Variants in EDN1 observed in about 807,000 individuals in gnomAD.
EDN1 encodes the protein endothelin-1.
A neutral mutation model predicts 21.7 loss-of-function variants in EDN1; 11 were observed. The observed-to-expected ratio is 0.51, with a 90% CI of 0.32 to 0.84. The LOEUF is 0.84. Among genes scored for constraint, EDN1 ranks in the 40% least tolerant of loss-of-function variants. The pLI is 0.03. For synonymous variants in EDN1, 85 were observed against 90.6 expected (o/e 0.94, Z 0.35); for missense variants, 244 against 262.3 (o/e 0.93, Z 0.48).
At chr6:12,291,213 C>T (rs945086426) in intron 1 of EDN1, among the ~76,000 whole-genome samples, 1 of 46,884 alleles carries the variant, frequency 2.1e-5, no homozygotes, top group African/African-American at 7.1e-5. Flanking sequence ...GACTAACTAC[C>T]GCCTCCCCCC....
At chr6:12,291,906 C>G (rs767029301) in intron 1 of EDN1, among the ~76,000 whole-genome samples, 8 of 152,196 alleles carry the variant, frequency 5.3e-5, no homozygotes, top group Non-Finnish European at 1.2e-4. Context: ...GGGAAGTGGC[C>G]CCAAAGCTAG....
rs1161753042 is a variant in EDN1 at position 12,290,511 on chromosome 6, C to T, written c.-119C>T. 4 of 837,526 alleles carry T rather than the reference C, an allele frequency of 4.8e-6. No homozygotes were observed. Among genetic ancestry groups the T allele is most frequent in the Non-Finnish European group, 8.1e-6 (4 of 496,782 alleles). The allele number at this position is 837,526 out of a possible 1,614,324, so 51.9% of individuals were successfully genotyped here. On this transcript the variant is annotated 5_prime_UTR_variant, in exon 1 of 5. Coordinates refer to ENST00000379375, the MANE Select transcript of EDN1 (RefSeq NM_001955.5). ...TCTCCCCGTTAAAAGGGCACTTGGG[C>T]TGAAGGATCGCTTTGAGATCTGAGG...
the EDN1 span, among the ~76,000 whole-genome samples, chr6:12,245,291 G>C: frequency 6.6e-6 from 1 of 152,154 alleles, no homozygotes; most frequent in Admixed American, 6.5e-5. Context: ...AAAATGACTA[G>C]ATTCACCCAC....
In EDN1 at chr6:12,295,964, C is replaced by T. The variant is rs140345259; in HGVS notation, c.536C>T (p.Ser179Leu). 5.1e-5 allele frequency: 82 copies of T among 1,613,668 alleles called. No homozygotes were observed. The Middle Eastern group carries it at 6.6e-4, about 13-fold the overall frequency. Residue 179 changes from serine to leucine, a missense_variant and splice_region_variant, in exon 5 of 5, where the codon TCG becomes TTG. By Grantham distance (145) the Ser-to-Leu change is moderately radical (BLOSUM62 -2). Transcript: ENST00000379375. ...TTTCTCTTATCTTGCTTTATTAGGT[C>T]GGAGACCATGAGAAACAGCGTCAAA... ...SSEEHLRQTRSETMRNSVKSS... is the reference protein window; with the variant it reads ...SSEEHLRQTRLETMRNSVKSS...
At chr6:12,272,122 G>A in the EDN1 span, among the ~76,000 whole-genome samples, 1 of 152,150 alleles carries the variant, frequency 6.6e-6, no homozygotes, top group African/African-American at 2.4e-5. Context: ...AGTTGAGATG[G>A]TGTAAGGCTA....
At chr6:12,287,700 TCTCTCTCTCTCTCACACACACACA>T (rs1332422861), upstream of EDN1, among the ~76,000 whole-genome samples, 1 of 75,446 alleles carries the variant, frequency 1.3e-5, no homozygotes, top group Non-Finnish European at 2.9e-5. Flanking sequence ...TCTCTCTCTC[TCTCTCTCTCTCTCACACACACACA>T]CACACACACA....
the EDN1 span, among the ~76,000 whole-genome samples, chr6:12,285,021 TGAG>T: frequency 1.3e-5 from 2 of 152,144 alleles, no homozygotes; most frequent in Non-Finnish European, 2.9e-5. Context: ...ATTTAAAAGA[TGAG>T]GAGGCAGCCA....
chr6:12,244,628 A>G, the EDN1 span, among the ~76,000 whole-genome samples: 1 of 152,262 alleles, frequency 6.6e-6, no homozygotes, highest in Non-Finnish European at 1.5e-5. Flanking sequence ...CCATGCAAAA[A>G]TAGGCTATTT....
At chr6:12,257,565 C>T in the EDN1 span, among the ~76,000 whole-genome samples, 1 of 152,260 alleles carries the variant, frequency 6.6e-6, no homozygotes, top group East Asian at 1.9e-4. Flanking sequence ...CAATTACAAT[C>T]AACAATGAGT....
the EDN1 span, among the ~76,000 whole-genome samples, chr6:12,278,650 C>A: frequency 6.6e-6 from 1 of 152,108 alleles, no homozygotes; most frequent in Non-Finnish European, 1.5e-5. Flanking sequence ...CCAGCACTTT[C>A]GGAGGCCGAG....
At chr6:12,231,653 A>G in the EDN1 span, among the ~76,000 whole-genome samples, 4 of 152,218 alleles carry the variant, frequency 2.6e-5, no homozygotes, top group Non-Finnish European at 5.9e-5. Context: ...TAAAGCTATA[A>G]ATTTATTTTA....
the EDN1 span, among the ~76,000 whole-genome samples, chr6:12,259,871 T>C: frequency 1.3e-5 from 2 of 152,068 alleles, no homozygotes; most frequent in African/African-American, 4.8e-5. Flanking sequence ...GAGCTTCTAG[T>C]AGTGCCTGAC....
the EDN1 span, among the ~76,000 whole-genome samples, chr6:12,236,431 T>G: frequency 6.6e-6 from 1 of 152,092 alleles, no homozygotes; most frequent in South Asian, 2.1e-4. Flanking sequence ...CTATTTTTTT[T>G]GTATTTTTAG....
At chr6:12,238,826 C>T in the EDN1 span, among the ~76,000 whole-genome samples, 1 of 152,202 alleles carries the variant, frequency 6.6e-6, no homozygotes, top group Non-Finnish European at 1.5e-5. Context: ...AAAGGCATCC[C>T]AATTTCCCAG....
the EDN1 span, among the ~76,000 whole-genome samples, chr6:12,255,248 T>C: frequency 6.6e-6 from 1 of 152,158 alleles, no homozygotes; most frequent in Admixed American, 6.5e-5. Flanking sequence ...AGCACCTTCA[T>C]AAATTATCCA....
At chr6:12,246,549 T>C in the EDN1 span, among the ~76,000 whole-genome samples, 13 of 152,164 alleles carry the variant, frequency 8.5e-5, no homozygotes, top group African/African-American at 2.9e-4. Flanking sequence ...GTAACCCTGC[T>C]GCTTGGGGTT....
the EDN1 span, among the ~76,000 whole-genome samples, chr6:12,269,491 G>A: frequency 2.0e-5 from 3 of 152,018 alleles, no homozygotes; most frequent in South Asian, 6.2e-4. Context: ...TTGTGTTGAG[G>A]TCTGTTATTT....
At chr6:12,253,589 T>TAC in the EDN1 span, among the ~76,000 whole-genome samples, 1 of 152,306 alleles carries the variant, frequency 6.6e-6, no homozygotes, top group South Asian at 2.1e-4. Flanking sequence ...TCCAGGAATT[T>TAC]ACACACACAT....
At chr6:12,266,799 G>A in the EDN1 span, among the ~76,000 whole-genome samples, 2 of 152,126 alleles carry the variant, frequency 1.3e-5, no homozygotes, top group African/African-American at 4.8e-5. Flanking sequence ...ACCACAGGAA[G>A]GTATTATGGC....
Sources: gnomAD v4.1 joint callset for allele counts (sites outside exome capture counted in the v4.1 genomes callset) on GRCh38, gnomAD v4.1.1 for gene constraint, MANE v1.5 for transcripts, NCBI Gene and HGNC (gene_info 2026-07-23, HGNC 2026-07-21) for gene names.